MAGEC3: variants seen among roughly 807,000 people sequenced by gnomAD.
MAGEC3 encodes MAGE family member C3.
Under a neutral mutation model 35.3 loss-of-function variants are expected in MAGEC3, and 34 were observed. That is an observed-to-expected ratio of 0.96 (90% CI 0.73 to 1.28). The LOEUF (loss-of-function observed/expected upper bound fraction) is 1.28, where lower values mean the gene tolerates loss of function less well. MAGEC3 is among the 50% of genes most tolerant of loss of function. The pLI, the probability that MAGEC3 is intolerant of heterozygous loss-of-function variation, is 0.00. For synonymous variants in MAGEC3, 202 were observed against 185.6 expected (o/e 1.09, Z -0.72); for missense variants, 561 against 483.6 (o/e 1.16, Z -1.50).
At chrX:141,875,273 C>G (rs1458164968) in intron 2 of MAGEC3, among the ~76,000 whole-genome samples, 1 of 111,289 alleles carries the variant, frequency 9.0e-6, no homozygotes, top group Non-Finnish European at 1.9e-5. Context: ...AGGGAGGCAT[C>G]AAGTATATCA....
At chrX:141,856,338 G>C (rs2017780393) in intron 1 of MAGEC3, among the ~76,000 whole-genome samples, 1 of 110,952 alleles carries the variant, frequency 9.0e-6, no homozygotes, top group South Asian at 3.8e-4. Flanking sequence ...TTTTCTACCA[G>C]AGCTTTAAAA....
At chrX:141,896,621 C>G (rs761255005) in intron 6 of MAGEC3, 35 of 1,196,077 alleles carry the variant, frequency 2.9e-5, no homozygotes, top group Non-Finnish European at 3.6e-5. Flanking sequence ...CCTGCTCACA[C>G]GTTTACCTGC....
At chrX:141,855,964 A>C (rs934439456) in intron 1 of MAGEC3, among the ~76,000 whole-genome samples, 1 of 111,609 alleles carries the variant, frequency 9.0e-6, no homozygotes, top group Non-Finnish European at 1.9e-5. Context: ...TAAACTTCTA[A>C]GAAACCATCT....
At chrX:141,889,580 A>T (rs1265648846) in intron 4 of MAGEC3, among the ~76,000 whole-genome samples, 1 of 112,257 alleles carries the variant, frequency 8.9e-6, no homozygotes, top group Admixed American at 9.4e-5. Context: ...GGCTATCAAG[A>T]TGAAATCAAT....
In MAGEC3 at chrX:141,891,711, A is replaced by T. The variant is rs746938469; in HGVS notation, c.910-3558A>T. Among the ~76,000 whole-genome samples the T allele has an allele frequency of 5.7e-5, 6 of 104,723 alleles. No homozygotes were observed. In the East Asian group the frequency reaches 1.7e-3, roughly 31 times the overall value. The allele number at this position is 104,723 out of a possible 115,157, so 90.9% of individuals were successfully genotyped here. A position where few individuals can be genotyped will look rare whatever the true frequency, so the allele number is the denominator to read the frequency against. On this transcript the variant is annotated intron_variant, in intron 4 of 7. Coordinates refer to ENST00000298296, the MANE Select transcript of MAGEC3 (RefSeq NM_138702.1). ...AATATATATATTTATATATGCATAT[A>T]TAAATATATATATTTATATATGCAT...
intron 4 of MAGEC3, among the ~76,000 whole-genome samples, chrX:141,885,689 G>A (rs1340715404): frequency 1.3e-4 from 8 of 59,642 alleles, no homozygotes; most frequent in Non-Finnish European, 1.8e-4. Flanking sequence ...AAAAAAAAAA[G>A]TTCTAATAGT....
intron 4 of MAGEC3, among the ~76,000 whole-genome samples, chrX:141,887,204 A>G (rs1180701663): frequency 1.8e-5 from 2 of 112,690 alleles, no homozygotes; most frequent in Non-Finnish European, 3.7e-5. Context: ...TGGCAAGGCC[A>G]GCAATATACC....
chrX:141,857,996 C>T (rs1305166186), intron 1 of MAGEC3, among the ~76,000 whole-genome samples: 1 of 110,986 alleles, frequency 9.0e-6, no homozygotes. Context: ...TGCATAGTAA[C>T]TACTGTGATG....
intron 1 of MAGEC3, 148 bp from the exon 2 acceptor site, chrX:141,865,323 A>G: frequency 6.0e-6 from 3 of 497,088 alleles, no homozygotes; most frequent in Non-Finnish European, 8.7e-6. Context: ...TTTTCTTATA[A>G]AATTTTATAC....
rs2124116858 is a variant in MAGEC3, at chrX:141,881,408, C to A, written c.521C>A (p.Pro174Gln). 1 of 1,194,739 alleles carries A rather than the reference C, an allele frequency of 8.4e-7. No individual in the cohort carries two copies. Among genetic ancestry groups the A allele is most frequent in the East Asian group, 3.0e-5 (1 of 33,655 alleles). ...RLWGEKAGSL[P>Q]ESEPLFTYTL... The stretch of plus-strand genomic sequence containing the variant: ...GATACAAGTACCTGGCACAGCTTGC[C>A]AGAGAGCGAGCCCTTGTTCACTTAT... Residue 174 changes from proline (P) to glutamine (Q), a missense_variant, in exon 4 of 8, where the codon CCA (proline) becomes CAA (glutamine). By Grantham distance (76) the Pro-to-Gln change is moderately conservative. Coordinates refer to ENST00000298296, the MANE Select transcript of MAGEC3 (RefSeq NM_138702.1).
intron 1 of MAGEC3, among the ~76,000 whole-genome samples, chrX:141,849,986 AGGTTGACTGGATTTTT>A (rs1215186667): frequency 9.0e-6 from 1 of 111,532 alleles, no homozygotes; most frequent in African/African-American, 3.2e-5. Flanking sequence ...TGCCCATCAA[AGGTTGACTGGATTTTT>A]TAAAATGTGG....
rs2017958835 is a variant in MAGEC3 at position 141,880,945 on chromosome X, A to C, written c.516-458A>C. ...GATGCCATCATCCACATCCCTGCTC[A>C]CACATTTACCTCCTGCTCCTAAGGA... On this transcript the variant is annotated intron_variant, in intron 3 of 7. Coordinates refer to ENST00000298296, the MANE Select transcript of MAGEC3 (RefSeq NM_138702.1). 6.2e-6 allele frequency: 4 copies of C among 644,825 alleles called. No individual in the cohort carries two copies. In the South Asian group the frequency reaches 9.5e-5, roughly 15 times the overall value. 53.1% of individuals were successfully genotyped at this position (644,825 alleles called of 1,213,427 possible). A position where few individuals can be genotyped will look rare whatever the true frequency, so the allele number is the denominator to read the frequency against.
intron 4 of MAGEC3, among the ~76,000 whole-genome samples, chrX:141,884,740 A>C (rs756123740): frequency 8.9e-6 from 1 of 112,009 alleles, no homozygotes; most frequent in East Asian, 2.8e-4. Flanking sequence ...ACTCCTGATT[A>C]ACTGCTTGTG....
intron 4 of MAGEC3, among the ~76,000 whole-genome samples, chrX:141,888,388 C>T (rs905946668): frequency 2.7e-5 from 3 of 111,934 alleles, no homozygotes; most frequent in Non-Finnish European, 5.6e-5. Context: ...GCCAGATGTG[C>T]GATGATATAC....
Position 141,879,261 on chromosome X carries a change from G to T in MAGEC3, c.345G>T (p.Arg115Ser). ...AGCCGGAGGGGAAGTTTTCTCTGAG[G>T]AGGGCAGTTTCAGTTAAGCAGAGGG... ...GSQPEGKFSLRRAVSVKQREE... is the reference protein window; with the variant it reads ...GSQPEGKFSLSRAVSVKQREE... Residue 115 changes from arginine to serine, a missense_variant, in exon 3 of 8, where the codon AGG (arginine) becomes AGT (serine). Arg to Ser is a moderately radical substitution (Grantham distance 110). Transcript: ENST00000298296. 8.3e-7 allele frequency: 1 copy of T among 1,206,401 alleles called. No individual in the cohort carries two copies. The highest frequency in any genetic ancestry group is 1.1e-6 in the Non-Finnish European group (1 of 892,709).
chrX:141,888,354 G>T (rs2018017225), intron 4 of MAGEC3, among the ~76,000 whole-genome samples: 1 of 112,345 alleles, frequency 8.9e-6, no homozygotes, highest in African/African-American at 3.2e-5. Flanking sequence ...ACCTGGTTTT[G>T]CACTTTGCAT....
At chrX:141,896,432 T>A in intron 6 of MAGEC3, 1 of 1,142,576 alleles carries the variant, frequency 8.8e-7, no homozygotes, top group Non-Finnish European at 1.2e-6. Flanking sequence ...CTCCTACAGG[T>A]TCTGAGGGAG....
At chrX:141,894,566 A>G in intron 4 of MAGEC3, 1 of 797,728 alleles carries the variant, frequency 1.3e-6, no homozygotes, top group Non-Finnish European at 1.6e-6. Flanking sequence ...TCGGGACAGG[A>G]GAAGGGGGGA....
intron 2 of MAGEC3, among the ~76,000 whole-genome samples, chrX:141,875,107 A>G (rs2017912154): frequency 1.8e-5 from 2 of 111,799 alleles, no homozygotes; most frequent in African/African-American, 6.5e-5. Flanking sequence ...TGAATGTGAA[A>G]GGAGAGGCAC....
Sources: allele counts gnomAD v4.1 joint callset (sites outside exome capture counted in the v4.1 genomes callset), GRCh38; gene constraint gnomAD v4.1.1; transcripts MANE v1.5; gene names NCBI Gene and HGNC (gene_info 2026-07-23, HGNC 2026-07-21).